Variants in MINDY2 observed in about 807,000 individuals in gnomAD.
MINDY2 encodes the protein ubiquitin carboxyl-terminal hydrolase MINDY-2.
MINDY2 carries 52 observed loss-of-function variants against 68.2 expected under a neutral mutation model. That is an observed-to-expected ratio of 0.76 (90% CI 0.61 to 0.96). The LOEUF (loss-of-function observed/expected upper bound fraction) is 0.96, where lower values mean the gene tolerates loss of function less well. MINDY2 is among the 40% of genes least tolerant of loss of function. The probability of loss-of-function intolerance (pLI) is 0.00; values close to 1 mark genes in which losing one functional copy is unlikely to be tolerated. For missense variants in MINDY2, 881 were observed against 773.4 expected (o/e 1.14, Z -1.65); for synonymous variants, 372 against 303.0 (o/e 1.23, Z -2.36).
rs537299590 is a variant in MINDY2, at chr15:58,859,029, A to T, written c.*4419A>T. 1 of 152,236 alleles carries T rather than the reference A, an allele frequency of 6.6e-6. No homozygotes were observed. The highest frequency in any genetic ancestry group is 6.5e-5 in the Admixed American group (1 of 15,294). 9.4% of individuals were successfully genotyped at this position (152,236 alleles called of 1,614,324 possible). A position where few individuals can be genotyped will look rare whatever the true frequency, so the allele number is the denominator to read the frequency against. ...ACTTAATTTATCACAAATATTACACATCCTATGTTCTTGAATGTGCACACT... is the reference window on the plus strand; with the variant it reads ...ACTTAATTTATCACAAATATTACACTTCCTATGTTCTTGAATGTGCACACT... On this transcript the variant is annotated 3_prime_UTR_variant, in exon 9 of 9. Transcript: ENST00000559228.
intron 2 of MINDY2, among the ~76,000 whole-genome samples, chr15:58,795,790 C>T (rs772572285): frequency 2.1e-4 from 32 of 151,578 alleles, no homozygotes; most frequent in Middle Eastern, 6.8e-3. Context: ...TTTTTGGCCA[C>T]CCTCCCTCCT....
intron 6 of MINDY2, 59 bp downstream of exon 6, chr15:58,831,975 G>T: frequency 1.4e-6 from 2 of 1,477,100 alleles, no homozygotes; most frequent in Non-Finnish European, 1.8e-6. Context: ...TTGATTTAGA[G>T]TTGTCTTTTG....
At chr15:58,793,881 T>A (rs1256880486) in intron 2 of MINDY2, among the ~76,000 whole-genome samples, 2 of 151,832 alleles carry the variant, frequency 1.3e-5, no homozygotes, top group Non-Finnish European at 2.9e-5. Context: ...AAATGGGAGA[T>A]TGAATGGATT....
intron 5 of MINDY2, among the ~76,000 whole-genome samples, chr15:58,830,018 T>C (rs1567066035): frequency 6.6e-6 from 1 of 152,228 alleles, no homozygotes; most frequent in Non-Finnish European, 1.5e-5. Context: ...ATGAAACTTT[T>C]TAGGGCATTC....
chr15:58,831,997 A>G, intron 6 of MINDY2, 81 bp downstream of exon 6: 2 of 1,256,308 alleles, frequency 1.6e-6, no homozygotes, highest in East Asian at 5.1e-5. Context: ...TCTGCTTATA[A>G]ATAAAAGATT....
At chr15:58,815,145 C>T (rs2030592157) in intron 4 of MINDY2, 1 of 152,084 alleles carries the variant, frequency 6.6e-6, no homozygotes, top group Non-Finnish European at 1.5e-5. Flanking sequence ...AAGGGCCCAA[C>T]TTTATTCATA....
At position 58,849,278 on chromosome 15, in the gene MINDY2, C is replaced by T. The variant is rs377344843; in HGVS notation, c.1542+1808C>T. Among the ~76,000 whole-genome samples, 104 of 150,870 alleles carry T rather than the reference C, an allele frequency of 6.9e-4. 1 individual carries two copies. In the South Asian group the frequency reaches 0.021, roughly 30 times the overall value. On this transcript the variant is annotated intron_variant, in intron 7 of 8. Coordinates refer to ENST00000559228, the MANE Select transcript of MINDY2 (RefSeq NM_001040450.3). Reference sequence around the variant, plus strand: ...AGCACTTTGGGAGGCCAAGGCGGGCCGATCACGAGGTCGGGAGATCAAGAC... The same window carrying T: ...AGCACTTTGGGAGGCCAAGGCGGGCTGATCACGAGGTCGGGAGATCAAGAC...
intron 5 of MINDY2, among the ~76,000 whole-genome samples, chr15:58,822,709 G>A (rs2031141092): frequency 6.6e-6 from 1 of 152,134 alleles, no homozygotes; most frequent in Non-Finnish European, 1.5e-5. Flanking sequence ...ATGAGAAAAG[G>A]AGATTTGAAA....
chr15:58,816,121 C>T (rs1374755117), intron 4 of MINDY2, among the ~76,000 whole-genome samples: 3 of 152,210 alleles, frequency 2.0e-5, no homozygotes, highest in Non-Finnish European at 2.9e-5. Context: ...TACATGTGTG[C>T]ATCCATTAAC....
At chr15:58,850,384 C>T (rs973097427) in intron 7 of MINDY2, among the ~76,000 whole-genome samples, 2 of 152,036 alleles carry the variant, frequency 1.3e-5, no homozygotes, top group African/African-American at 2.4e-5. Flanking sequence ...GAAAACATTA[C>T]AGTAGTTTCA....
At chr15:58,798,520 A>G (rs139895318) in intron 2 of MINDY2, among the ~76,000 whole-genome samples, 3 of 151,784 alleles carry the variant, frequency 2.0e-5, no homozygotes, top group Non-Finnish European at 2.9e-5. Context: ...CAATGGCACA[A>G]TCTTGGCTCA....
intron 5 of MINDY2, among the ~76,000 whole-genome samples, chr15:58,826,225 C>CTTTTTTTTTTTTTT (rs34666834): frequency 1.0e-5 from 1 of 98,162 alleles, no homozygotes; most frequent in Admixed American, 1.2e-4. Context: ...TTCACACAAT[C>CTTTTTTTTTTTTTT]TTTTTTTTTT....
At chr15:58,818,594 A>G (rs2030851563) in intron 4 of MINDY2, among the ~76,000 whole-genome samples, 1 of 150,812 alleles carries the variant, frequency 6.6e-6, no homozygotes, top group African/African-American at 2.4e-5. Flanking sequence ...GTCTATGAAT[A>G]TTTGACATCT....
At chr15:58,846,250 G>T (rs2032529097) in intron 6 of MINDY2, among the ~76,000 whole-genome samples, 1 of 152,116 alleles carries the variant, frequency 6.6e-6, no homozygotes, top group Non-Finnish European at 1.5e-5. Flanking sequence ...TGAGAGGCTG[G>T]ATACCACATT....
intron 6 of MINDY2, 145 bp downstream of exon 6, chr15:58,832,061 ACTT>A (rs1406758606): frequency 1.0e-5 from 7 of 692,828 alleles, no homozygotes; most frequent in Non-Finnish European, 1.5e-5. Context: ...TAAATACAGT[ACTT>A]CTTAAGGATG....
At chr15:58,803,552 C>G (rs966028967) in intron 3 of MINDY2, among the ~76,000 whole-genome samples, 10 of 151,974 alleles carry the variant, frequency 6.6e-5, no homozygotes, top group African/African-American at 2.4e-4. Context: ...TGCGGTGACT[C>G]CTGCCTATAA....
At chr15:58,812,233 C>A (rs539052062) in intron 4 of MINDY2, among the ~76,000 whole-genome samples, 2 of 151,366 alleles carry the variant, frequency 1.3e-5, no homozygotes, top group Non-Finnish European at 2.9e-5. Flanking sequence ...GTCAGGAGTT[C>A]GAGATCAGTC....
chr15:58,778,839 A>G (rs186519049), intron 1 of MINDY2, among the ~76,000 whole-genome samples: 1 of 124,592 alleles, frequency 8.0e-6, no homozygotes, highest in Admixed American at 8.9e-5. Context: ...TTGAGACGGA[A>G]TCTCATTTAG....
chr15:58,771,952 C>T lies in MINDY2; in HGVS notation c.557C>T (p.Pro186Leu). 1 of 1,556,516 alleles carries T rather than the reference C, an allele frequency of 6.4e-7. No homozygotes were observed. Among genetic ancestry groups the T allele is most frequent in the Non-Finnish European group, 8.7e-7 (1 of 1,153,098 alleles). ...TCGTTCTCTAACCTGCATTCTTTTC[C>T]CAGTAGCTGCGAGTTCAATAGTGAG... ...LESFSNLHSF[P>L]SSCEFNSEEG... The change falls in exon 1 of 9, where the codon CCC becomes CTC. Residue 186 changes from proline (P) to leucine (L), a missense_variant. Transcript: ENST00000559228.
Sources: gnomAD v4.1 joint callset for allele counts (sites outside exome capture counted in the v4.1 genomes callset) on GRCh38, gnomAD v4.1.1 for gene constraint, MANE v1.5 for transcripts, NCBI Gene and HGNC (gene_info 2026-07-23, HGNC 2026-07-21) for gene names.